The following SPAG16 variants were observed in gnomAD, a reference collection of about 807,000 sequenced individuals.
The protein encoded by SPAG16 is sperm associated antigen 16, also known as sperm-associated antigen 16 protein.
A neutral mutation model predicts 80.4 loss-of-function variants in SPAG16; 86 were observed. The ratio of observed to expected loss-of-function variants is 1.07; its 90% CI spans 0.90 to 1.28. The LOEUF (loss-of-function observed/expected upper bound fraction) is 1.28, where lower values mean the gene tolerates loss of function less well. SPAG16 is among the 50% of genes most tolerant of loss of function. The pLI, the probability that SPAG16 is intolerant of heterozygous loss-of-function variation, is 0.00. For synonymous variants in SPAG16, 294 were observed against 265.9 expected (o/e 1.11, Z -1.03); for missense variants, 870 against 765.3 (o/e 1.14, Z -1.61).
At chr2:213,566,143 G>C (rs577580325) in intron 10 of SPAG16, among the ~76,000 whole-genome samples, 2 of 152,144 alleles carry the variant, frequency 1.3e-5, no homozygotes, top group East Asian at 3.9e-4. Flanking sequence ...TCAATGGGTT[G>C]CTGGAGTGAA....
At chr2:214,395,518 T>C (rs1701314762) in intron 15 of SPAG16, among the ~76,000 whole-genome samples, 1 of 152,192 alleles carries the variant, frequency 6.6e-6, no homozygotes, top group African/African-American at 2.4e-5. Context: ...ATTTGACCCA[T>C]TTTTAAATAT....
intron 9 of SPAG16, among the ~76,000 whole-genome samples, chr2:213,450,453 A>G (rs1575618267): frequency 1.3e-5 from 2 of 152,238 alleles, no homozygotes; most frequent in African/African-American, 4.8e-5. Context: ...TTTGGGAGAC[A>G]GTAGCCTCCT....
intron 10 of SPAG16, among the ~76,000 whole-genome samples, chr2:213,509,370 T>C (rs1315562897): frequency 1.3e-5 from 2 of 152,196 alleles, no homozygotes; most frequent in African/African-American, 2.4e-5. Context: ...AGAGATTCAC[T>C]ATGTCTTATT....
At chr2:214,219,937 G>T (rs1384119860) in intron 15 of SPAG16, among the ~76,000 whole-genome samples, 1 of 151,910 alleles carries the variant, frequency 6.6e-6, no homozygotes, top group Non-Finnish European at 1.5e-5. Flanking sequence ...CATGAAAAAA[G>T]ATAATTTAGC....
At chr2:213,900,835 C>G (rs1028194444) in intron 11 of SPAG16, among the ~76,000 whole-genome samples, 3 of 152,148 alleles carry the variant, frequency 2.0e-5, no homozygotes, top group Non-Finnish European at 2.9e-5. Flanking sequence ...GCCTTCATAA[C>G]CACCTTTTAG....
rs557098702 is a variant in SPAG16 at position 214,094,101 on chromosome 2, C to T, written c.1528-14095C>T. On this transcript the variant is annotated intron_variant, in intron 13 of 15. Transcript: ENST00000331683. ...CACACTGATTTGTGAAAGCAGAATA[C>T]GCACAACTCTTCCCAAATCAGAGTT... 4.2e-4 allele frequency among the ~76,000 whole-genome samples: 64 copies of T among 152,152 alleles called. 1 individual carries two copies. In the Middle Eastern group the frequency reaches 0.01, roughly 24 times the overall value.
At chr2:213,426,836 T>TACACACACACACACACACAC (rs199604984) in intron 9 of SPAG16, among the ~76,000 whole-genome samples, 1 of 125,830 alleles carries the variant, frequency 7.9e-6, no homozygotes, top group African/African-American at 2.9e-5. Context: ...TTCTGATACA[T>TACACACACACACACACACAC]ACACACACAC....
chr2:213,853,296 A>G (rs940813611), intron 10 of SPAG16, among the ~76,000 whole-genome samples: 2 of 152,142 alleles, frequency 1.3e-5, no homozygotes, highest in Non-Finnish European at 1.5e-5. Flanking sequence ...GACTCTACTG[A>G]TAATTAATAG....
At chr2:213,343,634 C>T (rs1420679721) in intron 6 of SPAG16, among the ~76,000 whole-genome samples, 2 of 151,610 alleles carry the variant, frequency 1.3e-5, no homozygotes, top group African/African-American at 2.4e-5. Flanking sequence ...AAAATGGTGA[C>T]TGTAAGGAGT....
intron 15 of SPAG16, among the ~76,000 whole-genome samples, chr2:214,194,848 C>T (rs1466084323): frequency 6.6e-6 from 1 of 152,074 alleles, no homozygotes; most frequent in Non-Finnish European, 1.5e-5. Flanking sequence ...ACATTTACTA[C>T]TACGACTGGA....
At chr2:213,661,022 T>A (rs1202399693) in intron 10 of SPAG16, among the ~76,000 whole-genome samples, 3 of 152,200 alleles carry the variant, frequency 2.0e-5, no homozygotes, top group African/African-American at 4.8e-5. Flanking sequence ...CCTTTGACTC[T>A]GCCAGATTTC....
At chr2:213,755,978 A>G (rs556958104) in intron 10 of SPAG16, among the ~76,000 whole-genome samples, 1 of 152,274 alleles carries the variant, frequency 6.6e-6, no homozygotes, top group East Asian at 1.9e-4. Flanking sequence ...ATATATGAAA[A>G]TCCCTATCTA....
In SPAG16 at chr2:213,465,503, G is replaced by T. The variant is rs115626188; in HGVS notation, c.943-24460G>T. ...TACTATCTGTTCACAGTCATGTTCA[G>T]GCTTCCCAAGTTTCTCTGGGAGGGA... On this transcript the variant is annotated intron_variant, in intron 9 of 15. Coordinates refer to ENST00000331683, the MANE Select transcript of SPAG16 (RefSeq NM_024532.5). 5.7e-3 allele frequency among the ~76,000 whole-genome samples: 871 copies of T among 152,272 alleles called. 3 individuals carry two copies. The highest frequency in any genetic ancestry group is 9.6e-3 in the Non-Finnish European group (653 of 68,016).
chr2:213,344,880 C>A (rs1382076597), intron 6 of SPAG16, among the ~76,000 whole-genome samples: 1 of 152,162 alleles, frequency 6.6e-6, no homozygotes, highest in Non-Finnish European at 1.5e-5. Context: ...ATTTATAATC[C>A]TTTGGGTATA....
Position 214,066,305 on chromosome 2 carries a change from T to C in SPAG16, c.1528-41891T>C, listed in dbSNP as rs779936992. ...GGCTGCCCCAGATAACCAAGCACCA[T>C]CTGAGGCTGAATCTTGTTTCTAAAA... is the stretch of plus-strand genomic sequence containing the variant. On this transcript the variant is annotated intron_variant, in intron 13 of 15. Transcript: ENST00000331683. 6.9e-4 allele frequency among the ~76,000 whole-genome samples: 105 copies of C among 152,226 alleles called. 2 individuals carry two copies. The highest frequency in any genetic ancestry group is 1.2e-4 in the Non-Finnish European group (8 of 67,996).
In SPAG16 at chr2:213,582,274, T is replaced by C. The variant is rs1264334997; in HGVS notation, c.1070+92184T>C. The stretch of plus-strand genomic sequence containing the variant: ...TTCCCTATACTGTGTCCTTCCTAAG[T>C]TATTTTGTAACATCATCATGGATCT... On this transcript the variant is annotated intron_variant, in intron 10 of 15. Coordinates refer to ENST00000331683, the MANE Select transcript of SPAG16 (RefSeq NM_024532.5). Among the ~76,000 whole-genome samples, 3 of 152,244 alleles carry C rather than the reference T, an allele frequency of 2.0e-5. No homozygotes were observed. The East Asian group carries it at 5.8e-4, about 29-fold the overall frequency.
intron 15 of SPAG16, among the ~76,000 whole-genome samples, chr2:214,296,000 A>G (rs1388777995): frequency 6.6e-6 from 1 of 152,166 alleles, no homozygotes; most frequent in African/African-American, 2.4e-5. Context: ...CAATCACCCA[A>G]AGAGTGAACA....
At chr2:213,736,441 C>T (rs763221606) in intron 10 of SPAG16, among the ~76,000 whole-genome samples, 1 of 152,002 alleles carries the variant, frequency 6.6e-6, no homozygotes, top group Non-Finnish European at 1.5e-5. Flanking sequence ...GCACCCACCA[C>T]CACACCCGGC....
At chr2:213,915,092 G>GGCCAAGAGGGCATGTGCA (rs1290608295) in intron 11 of SPAG16, among the ~76,000 whole-genome samples, 1 of 151,728 alleles carries the variant, frequency 6.6e-6, no homozygotes, top group East Asian at 1.9e-4. Flanking sequence ...ACATGGTGGA[G>GGCCAAGAGGGCATGTGCA]GCCAAGAGGG....
Sources: allele counts gnomAD v4.1 joint callset (sites outside exome capture counted in the v4.1 genomes callset), GRCh38; gene constraint gnomAD v4.1.1; transcripts MANE v1.5; gene names NCBI Gene and HGNC (gene_info 2026-07-23, HGNC 2026-07-21).